Variants in SS18L1 observed in about 807,000 individuals in gnomAD.
The protein encoded by SS18L1 is SS18L1 subunit of BAF chromatin remodeling complex.
Under a neutral mutation model 70.3 loss-of-function variants are expected in SS18L1, and 32 were observed. The ratio of observed to expected loss-of-function variants is 0.46; its 90% CI spans 0.34 to 0.61. The LOEUF (loss-of-function observed/expected upper bound fraction) is 0.61, where lower values mean the gene tolerates loss of function less well. SS18L1 is among the 20% of genes least tolerant of loss of function. The pLI is 0.01. For missense variants in SS18L1, 430 were observed against 542.1 expected, an observed-to-expected ratio of 0.79 and a Z score of 2.05; for synonymous variants, 237 against 229.7, an observed-to-expected ratio of 1.03 and a Z score of -0.29.
chr20:62,171,934 G>A (rs6062111), intron 8 of SS18L1, among the ~76,000 whole-genome samples: 20,852 of 152,138 alleles, frequency 0.14, 1,750 homozygotes, highest in South Asian at 0.24. Flanking sequence ...AGGCCAAGGT[G>A]AACGGATCAC....
intron 1 of SS18L1, among the ~76,000 whole-genome samples, chr20:62,144,811 A>G (rs1185636713): frequency 6.6e-6 from 1 of 152,240 alleles, no homozygotes; most frequent in Non-Finnish European, 1.5e-5. Flanking sequence ...AGTTGTCACA[A>G]CATCTGTTGG....
intron 8 of SS18L1, among the ~76,000 whole-genome samples, chr20:62,167,101 A>G (rs1184108902): frequency 4.9e-5 from 6 of 123,086 alleles, no homozygotes; most frequent in African/African-American, 2.0e-4. Flanking sequence ...GCTGGAGTGC[A>G]GTGGTATGAT....
rs902363094 is a variant in SS18L1 at position 62,158,043 on chromosome 20, C to T, written c.70-629C>T. Among the ~76,000 whole-genome samples the T allele has an allele frequency of 1.3e-5, 2 of 152,188 alleles. No individual in the cohort carries two copies. Among genetic ancestry groups the T allele is most frequent in the African/African-American group, 4.8e-5 (2 of 41,438 alleles). ...CTGATCCTTGGGAGGGGGCAGTTAC[C>T]TGTGCCCCACCCTGTGTGGTTGCAA... is the stretch of plus-strand genomic sequence containing the variant. On this transcript the variant is annotated intron_variant, in intron 1 of 10. Transcript: ENST00000331758. The surrounding 1 kb of genome is among the most constrained non-coding windows in gnomAD (Gnocchi z 4.5).
rs975041989 is a variant in SS18L1 at position 62,180,564 on chromosome 20, A to G, written c.*1356A>G. Reference sequence around the variant, plus strand: ...AATGCTTGATATATGAGGCCTAGTAATAACGATATTTCTCTTTAATTGATG... The same window carrying G: ...AATGCTTGATATATGAGGCCTAGTAGTAACGATATTTCTCTTTAATTGATG... On this transcript the variant is annotated 3_prime_UTR_variant, in exon 11 of 11. Coordinates refer to ENST00000331758, the MANE Select transcript of SS18L1 (RefSeq NM_198935.3). The G allele has an allele frequency of 5.6e-5, 10 of 178,150 alleles. No homozygotes were observed. The highest frequency in any genetic ancestry group is 1.2e-4 in the Non-Finnish European group (10 of 82,938). 11.0% of individuals were successfully genotyped at this position (178,150 alleles called of 1,614,324 possible). A position where few individuals can be genotyped will look rare whatever the true frequency, so the allele number is the denominator to read the frequency against.
rs879740026 is a variant in SS18L1 at position 62,181,087 on chromosome 20, C to T, written c.*1879C>T. On this transcript the variant is annotated 3_prime_UTR_variant, in exon 11 of 11. Transcript: ENST00000331758. The stretch of plus-strand genomic sequence containing the variant: ...ACTGAGGCACAGATTAAAGGACTTG[C>T]CTGTGTTGAATACCAGTCCTGTTCT... The T allele has an allele frequency of 5.3e-6, 1 of 189,368 alleles. No homozygotes were observed. The highest frequency in any genetic ancestry group is 2.3e-5 in the African/African-American group (1 of 42,818). The allele number at this position is 189,368 out of a possible 1,614,324, so 11.7% of individuals were successfully genotyped here.
At chr20:62,172,328 GAAAA>G (rs59726721) in intron 8 of SS18L1, among the ~76,000 whole-genome samples, 3 of 137,154 alleles carry the variant, frequency 2.2e-5, no homozygotes, top group Non-Finnish European at 3.2e-5. Flanking sequence ...CCCTGTCTCT[GAAAA>G]AAAAAAAAAA....
At chr20:62,165,379 G>A in intron 7 of SS18L1, 43 bp from the exon 8 acceptor site, 3 of 1,578,284 alleles carry the variant, frequency 1.9e-6, no homozygotes, top group Non-Finnish European at 2.6e-6. Context: ...GACCTGTGCA[G>A]TGCACAGCCT....
chr20:62,158,234 C>T lies in SS18L1; in HGVS notation c.70-438C>T, dbSNP rs1490798032. Among the ~76,000 whole-genome samples, 14 of 152,172 alleles carry T rather than the reference C, an allele frequency of 9.2e-5. No homozygotes were observed. The East Asian group carries it at 1.7e-3, about 19-fold the overall frequency. ...TTCGGGCTGGGGGCTGCTGGGGGCA[C>T]GGGGCCTCTGTGTTTTCATTTGTGG... On this transcript the variant is annotated intron_variant, in intron 1 of 10. Transcript: ENST00000331758. The surrounding 1 kb of genome is among the most constrained non-coding windows in gnomAD (Gnocchi z 4.5).
rs1210174874 is a variant in SS18L1, at chr20:62,159,373, G to A, written c.147-504G>A. On this transcript the variant is annotated intron_variant, in intron 2 of 10. Coordinates refer to ENST00000331758, the MANE Select transcript of SS18L1 (RefSeq NM_198935.3). The surrounding 1 kb of genome is among the most constrained non-coding windows in gnomAD (Gnocchi z 4.4). ...TGGCCTCAGACACCCCTGGGTGTGG[G>A]TGGGGTGAAGGGACTGGGTCCCCAC... is the stretch of plus-strand genomic sequence containing the variant. Among the ~76,000 whole-genome samples the A allele has an allele frequency of 1.3e-5, 2 of 152,222 alleles. No homozygotes were observed. Among genetic ancestry groups the A allele is most frequent in the Non-Finnish European group, 2.9e-5 (2 of 68,020 alleles).
chr20:62,170,893 AT>A (rs1387653916), intron 8 of SS18L1, among the ~76,000 whole-genome samples: 130 of 143,872 alleles, frequency 9.0e-4, no homozygotes, highest in Admixed American at 8.3e-4. Context: ...TGGCTCCTTT[AT>A]TTTTTTTTTT....
intron 1 of SS18L1, among the ~76,000 whole-genome samples, chr20:62,148,266 T>C (rs1246899098): frequency 1.3e-5 from 2 of 151,536 alleles, no homozygotes; most frequent in African/African-American, 2.4e-5. Context: ...AGGCTCGGCC[T>C]CCTTGCTGTC....
At position 62,165,500 on chromosome 20, in the gene SS18L1, A is replaced by G. The variant is rs766021578; in HGVS notation, c.902A>G (p.His301Arg). ...YDRSFEESTQ[H>R]YYEGGNSQYS... The stretch of plus-strand genomic sequence containing the variant: ...CGGTCCTTCGAGGAGTCCACGCAGC[A>G]CTACTATGAGGGGGGTAAGGAGCAC... Residue 301 changes from histidine (H) to arginine (R), a missense_variant, in exon 8 of 11, where the codon CAC becomes CGC. Coordinates refer to ENST00000331758, the MANE Select transcript of SS18L1 (RefSeq NM_198935.3). 7.4e-6 allele frequency: 12 copies of G among 1,612,232 alleles called. No homozygotes were observed. Among genetic ancestry groups the G allele is most frequent in the Non-Finnish European group, 9.3e-6 (11 of 1,179,492 alleles).
rs539265124 is a variant in SS18L1, at chr20:62,152,759, C to G, written c.70-5913C>G. The stretch of plus-strand genomic sequence containing the variant: ...GACTCACTTCAGGCCTCTTTAAGGT[C>G]GCTTTGCAGATGATACCGTGAGTAA... On this transcript the variant is annotated intron_variant, in intron 1 of 10. Coordinates refer to ENST00000331758, the MANE Select transcript of SS18L1 (RefSeq NM_198935.3). 2.0e-5 allele frequency among the ~76,000 whole-genome samples: 3 copies of G among 152,328 alleles called. No individual in the cohort carries two copies. In the South Asian group the frequency reaches 6.2e-4, roughly 32 times the overall value.
At chr20:62,165,836 T>A (rs1343675523) in intron 8 of SS18L1, among the ~76,000 whole-genome samples, 1 of 151,446 alleles carries the variant, frequency 6.6e-6, no homozygotes, top group African/African-American at 2.4e-5. Flanking sequence ...CATGCTGGGG[T>A]TGGGGACACA....
chr20:62,155,910 C>T (rs781599958), intron 1 of SS18L1, among the ~76,000 whole-genome samples: 5 of 151,952 alleles, frequency 3.3e-5, no homozygotes, highest in Admixed American at 2.0e-4. Flanking sequence ...CCTTAGTCGC[C>T]GGCCGGGGCC....
Position 62,158,299 on chromosome 20 carries a change from A to G in SS18L1, c.70-373A>G, listed in dbSNP as rs2145725154. ...GCCGCTTACGGATGAAGTCCCCAGC[A>G]CAGGGAGGTGTGAATGTTCGGTCTG... On this transcript the variant is annotated intron_variant, in intron 1 of 10. Coordinates refer to ENST00000331758, the MANE Select transcript of SS18L1 (RefSeq NM_198935.3). This position sits in a 1 kb window ranked among gnomAD's most constrained non-coding sequence, Gnocchi z 4.5. 6.6e-6 allele frequency among the ~76,000 whole-genome samples: 1 copy of G among 152,040 alleles called. No individual in the cohort carries two copies. Among genetic ancestry groups the G allele is most frequent in the Admixed American group, 6.6e-5 (1 of 15,234 alleles).
At position 62,159,777 on chromosome 20, in the gene SS18L1, G is replaced by A; in HGVS notation, c.147-100G>A. ...TCCATGTCCTCATGGGGTTTGGCTG[G>A]ATGTCAGGCTGTCTTGTTCACACTT... On this transcript the variant is annotated intron_variant, in intron 2 of 10. Coordinates refer to ENST00000331758, the MANE Select transcript of SS18L1 (RefSeq NM_198935.3). This position sits in a 1 kb window ranked among gnomAD's most constrained non-coding sequence, Gnocchi z 4.4. 21 of 1,162,602 alleles carry A rather than the reference G, an allele frequency of 1.8e-5. No homozygotes were observed. In the South Asian group the frequency reaches 2.4e-4, roughly 13 times the overall value. 72.0% of individuals were successfully genotyped at this position (1,162,602 alleles called of 1,614,324 possible).
intron 4 of SS18L1, 30 bp from the exon 5 acceptor site, chr20:62,162,722 C>T (rs776611065): frequency 1.3e-6 from 2 of 1,585,176 alleles, no homozygotes; most frequent in Admixed American, 1.8e-5. Flanking sequence ...CTCCCCAGTG[C>T]CTGACACCAC....
rs778644614 is a variant in SS18L1, at chr20:62,163,479, C to T, written c.578C>T (p.Ala193Val). 33 of 1,612,040 alleles carry T rather than the reference C, an allele frequency of 2.0e-5. No individual in the cohort carries two copies. Among genetic ancestry groups the T allele is most frequent in the East Asian group, 1.3e-4 (6 of 44,874 alleles). The change falls in exon 6 of 11, where the codon GCG becomes GTG. Residue 193 changes from alanine (A) to valine (V), a missense_variant. Physicochemically the swap from Ala to Val is moderately conservative, Grantham distance 64. Coordinates refer to ENST00000331758, the MANE Select transcript of SS18L1 (RefSeq NM_198935.3). ...TCAGTCTCCATGATGCAGCAGCAGG[C>T]GGCCACGTCGCACTACAGCTCGGCG... ...SNPVSMMQQQ[A>V]ATSHYSSAQG...
Sources: gnomAD v4.1 joint callset for allele counts (sites outside exome capture counted in the v4.1 genomes callset) on GRCh38, gnomAD v4.1.1 for gene constraint, Gnocchi (gnomAD v3.1) non-coding constraint, MANE v1.5 for transcripts, NCBI Gene and HGNC (gene_info 2026-07-23, HGNC 2026-07-21) for gene names.